CDK14: variants seen among roughly 807,000 people sequenced by gnomAD.
CDK14 encodes cyclin-dependent kinase 14.
Under a neutral mutation model 60.7 loss-of-function variants are expected in CDK14, and 34 were observed. The observed-to-expected ratio is 0.56, with a 90% CI of 0.43 to 0.75. The LOEUF is 0.75. Ranked by LOEUF, CDK14 falls within the 30% of genes least tolerant of loss-of-function variation. The probability of loss-of-function intolerance (pLI) is 0.00; values close to 1 mark genes in which losing one functional copy is unlikely to be tolerated. For synonymous variants in CDK14, 197 were observed against 203.7 expected (o/e 0.97, Z 0.28); for missense variants, 482 against 564.1 (o/e 0.85, Z 1.47).
intron 7 of CDK14, among the ~76,000 whole-genome samples, chr7:90,899,795 T>C (rs1287776131): frequency 6.6e-6 from 1 of 152,148 alleles, no homozygotes; most frequent in African/African-American, 2.4e-5. Context: ...TTCTACTTTC[T>C]GCTACTCTTT....
chr7:90,774,785 C>G (rs1804948575), intron 4 of CDK14, among the ~76,000 whole-genome samples: 1 of 152,188 alleles, frequency 6.6e-6, no homozygotes, highest in Admixed American at 6.5e-5. Flanking sequence ...GTTTTGGTCT[C>G]TATTAGAATG....
intron 4 of CDK14, among the ~76,000 whole-genome samples, chr7:90,768,601 G>T (rs1273649641): frequency 2.0e-5 from 3 of 152,092 alleles, no homozygotes; most frequent in Non-Finnish European, 4.4e-5. Context: ...TGAGTGAATT[G>T]TCCTCTTTTT....
intron 10 of CDK14, among the ~76,000 whole-genome samples, chr7:90,990,138 G>C (rs140875333): frequency 1.2e-3 from 188 of 152,310 alleles, no homozygotes; most frequent in Non-Finnish European, 2.0e-3. Flanking sequence ...ATACAGTACA[G>C]TGTGGTAGTA....
intron 10 of CDK14, among the ~76,000 whole-genome samples, chr7:91,021,096 C>G (rs190176280): frequency 6.6e-6 from 1 of 152,314 alleles, no homozygotes; most frequent in Admixed American, 6.5e-5. Context: ...TTTTCTCTCT[C>G]TAGTCTACTA....
At chr7:90,657,856 C>G (rs953960725) in intron 2 of CDK14, among the ~76,000 whole-genome samples, 1 of 152,142 alleles carries the variant, frequency 6.6e-6, no homozygotes, top group African/African-American at 2.4e-5. Flanking sequence ...CCTATAAGCT[C>G]CTATTTTACC....
chr7:90,707,835 T>C (rs1283549451), intron 2 of CDK14, among the ~76,000 whole-genome samples: 2 of 152,170 alleles, frequency 1.3e-5, no homozygotes, highest in Non-Finnish European at 2.9e-5. Flanking sequence ...TTATACTGAA[T>C]AGAGCACTCT....
Position 90,765,094 on chromosome 7 carries a change from C to T in CDK14, c.464+17319C>T, listed in dbSNP as rs556121797. ...AACCAAGGGCTTTTGTTGTATGTCT[C>T]ATCAAACCTCTTAGGAGAAAGAAGA... is the stretch of plus-strand genomic sequence containing the variant. On this transcript the variant is annotated intron_variant, in intron 4 of 14. Coordinates refer to ENST00000380050, the MANE Select transcript of CDK14 (RefSeq NM_001287135.2). Among the ~76,000 whole-genome samples, 3 of 152,266 alleles carry T rather than the reference C, an allele frequency of 2.0e-5. No individual in the cohort carries two copies. In the South Asian group the frequency reaches 6.2e-4, roughly 32 times the overall value.
At chr7:90,723,470 A>G (rs1379335376) in intron 2 of CDK14, among the ~76,000 whole-genome samples, 1 of 152,174 alleles carries the variant, frequency 6.6e-6, no homozygotes, top group South Asian at 2.1e-4. Flanking sequence ...GCCTCATGGC[A>G]TGGCAGCCGG....
chr7:91,121,076 A>G lies in CDK14; in HGVS notation c.*28+2868A>G, dbSNP rs182403386. 1.2e-4 allele frequency among the ~76,000 whole-genome samples: 18 copies of G among 152,342 alleles called. No homozygotes were observed. The East Asian group carries it at 3.3e-3, about 28-fold the overall frequency. ...AATAATATAGCCTATTTATTGGCCT[A>G]TTATATCTTGTGGAATGGCCTTTCT... On this transcript the variant is annotated intron_variant, in intron 14 of 14. Transcript: ENST00000380050.
intron 14 of CDK14, among the ~76,000 whole-genome samples, chr7:91,184,976 G>A (rs1253345086): frequency 6.6e-6 from 1 of 151,670 alleles, no homozygotes; most frequent in African/African-American, 2.4e-5. Context: ...AGGGGAATGG[G>A]ACACCTTTTT....
rs181757742 is a variant in CDK14 at position 91,209,296 on chromosome 7, G to A, written c.*2160G>A. ...TGAAATATAACATTACTCAGTGGACGGAGAAATCTGTTTTGTTACAGAGAC... is the reference window on the plus strand; with the variant it reads ...TGAAATATAACATTACTCAGTGGACAGAGAAATCTGTTTTGTTACAGAGAC... On this transcript the variant is annotated 3_prime_UTR_variant, in exon 15 of 15. Transcript: ENST00000380050. 3 of 152,314 alleles carry A rather than the reference G, an allele frequency of 2.0e-5. No individual in the cohort carries two copies. The highest frequency in any genetic ancestry group is 1.9e-4 in the East Asian group (1 of 5,182). 9.4% of individuals were successfully genotyped at this position (152,314 alleles called of 1,614,324 possible). A position where few individuals can be genotyped will look rare whatever the true frequency, so the allele number is the denominator to read the frequency against.
chr7:90,965,469 G>A (rs1794727467), intron 9 of CDK14, among the ~76,000 whole-genome samples: 1 of 152,196 alleles, frequency 6.6e-6, no homozygotes, highest in African/African-American at 2.4e-5. Context: ...GTTGTCAGTA[G>A]ACACTAATAA....
At chr7:91,167,611 A>C (rs1801385497) in intron 14 of CDK14, among the ~76,000 whole-genome samples, 1 of 152,144 alleles carries the variant, frequency 6.6e-6, no homozygotes, top group Non-Finnish European at 1.5e-5. Flanking sequence ...TTAGCTCTCA[A>C]CCTGGTATCT....
intron 14 of CDK14, among the ~76,000 whole-genome samples, chr7:91,145,918 C>CTATTTA (rs1562923898): frequency 0.019 from 2,798 of 147,842 alleles, 106 homozygotes; most frequent in Admixed American, 0.093. Flanking sequence ...ACCTGGCTTG[C>CTATTTA]TTTATTTATT....
intron 5 of CDK14, among the ~76,000 whole-genome samples, chr7:90,834,796 G>A (rs1015090143): frequency 9.9e-5 from 15 of 152,152 alleles, no homozygotes; most frequent in African/African-American, 3.6e-4. Flanking sequence ...TAACAGGTTT[G>A]GGGCAGATCT....
Position 91,210,148 on chromosome 7 carries a change from T to G in CDK14, c.*3012T>G, listed in dbSNP as rs1803022444. On this transcript the variant is annotated 3_prime_UTR_variant, in exon 15 of 15. Transcript: ENST00000380050. ...ATAACTTCCATCTCCCTTACTGGCT[T>G]GTAGGCAGAGGAAACTGTATATGTT... is the stretch of plus-strand genomic sequence containing the variant. The G allele has an allele frequency of 1.3e-5, 2 of 152,640 alleles. No homozygotes were observed. Among genetic ancestry groups the G allele is most frequent in the Non-Finnish European group, 2.9e-5 (2 of 68,050 alleles). 9.5% of individuals were successfully genotyped at this position (152,640 alleles called of 1,614,324 possible).
At chr7:91,091,438 T>A (rs943434347) in intron 12 of CDK14, among the ~76,000 whole-genome samples, 1 of 142,602 alleles carries the variant, frequency 7.0e-6, no homozygotes, top group Non-Finnish European at 1.5e-5. Context: ...ATAATTTATA[T>A]ACACATATGT....
At chr7:90,893,235 T>C (rs1388854523) in intron 6 of CDK14, among the ~76,000 whole-genome samples, 1 of 151,980 alleles carries the variant, frequency 6.6e-6, no homozygotes, top group African/African-American at 2.4e-5. Flanking sequence ...CATTAAGGCA[T>C]AGCAATGGTG....
intron 10 of CDK14, among the ~76,000 whole-genome samples, chr7:90,985,031 T>C (rs1397006246): frequency 1.3e-5 from 2 of 152,194 alleles, no homozygotes; most frequent in African/African-American, 4.8e-5. Context: ...TTAATATCAA[T>C]ATACCAATGT....
Sources: allele counts gnomAD v4.1 joint callset (sites outside exome capture counted in the v4.1 genomes callset), GRCh38; gene constraint gnomAD v4.1.1; transcripts MANE v1.5; gene names NCBI Gene and HGNC (gene_info 2026-07-23, HGNC 2026-07-21).